The following GXYLT1 variants were observed in gnomAD, a reference collection of about 807,000 sequenced individuals.
GXYLT1 encodes the protein glucoside xylosyltransferase 1.
GXYLT1 carries 29 observed loss-of-function variants against 54.0 expected under a neutral mutation model. That is an observed-to-expected ratio of 0.54 (90% CI 0.40 to 0.73). The LOEUF is 0.73. Among genes scored for constraint, GXYLT1 ranks in the 30% least tolerant of loss-of-function variants. The pLI is 0.00. For missense variants in GXYLT1, 490 were observed against 553.4 expected (o/e 0.89, Z 1.15); for synonymous variants, 176 against 204.1 (o/e 0.86, Z 1.17).
rs562646211 is a variant in GXYLT1 at position 42,085,687 on chromosome 12, C to G, written c.*2099G>C. The stretch of plus-strand genomic sequence containing the variant: ...TTATATTCTGTTGATTCTAACAAAC[C>G]AACTAGAAGATGATTTTTGAGATAA... On this transcript the variant is annotated 3_prime_UTR_variant, in exon 8 of 8. Transcript: ENST00000398675. The G allele has an allele frequency of 1.3e-5, 2 of 152,362 alleles. No homozygotes were observed. Among genetic ancestry groups the G allele is most frequent in the African/African-American group, 4.8e-5 (2 of 41,592 alleles). 9.4% of individuals were successfully genotyped at this position (152,362 alleles called of 1,614,324 possible).
At position 42,115,077 on chromosome 12, in the gene GXYLT1, A is replaced by G. The variant is rs1182126708; in HGVS notation, c.486+3923T>C. Among the ~76,000 whole-genome samples the G allele has an allele frequency of 3.3e-5, 5 of 152,386 alleles. No individual in the cohort carries two copies. The South Asian group carries it at 8.3e-4, about 25-fold the overall frequency. On this transcript the variant is annotated intron_variant, in intron 3 of 7. Coordinates refer to ENST00000398675, the MANE Select transcript of GXYLT1 (RefSeq NM_173601.2). ...CAGAAAAGGCTTTTGACAAAATTCA[A>G]CAACGCTTCATGCTAAAAACTCTCA...
In GXYLT1 at chr12:42,144,789, T is replaced by G; in HGVS notation, c.-143A>C. The stretch of plus-strand genomic sequence containing the variant: ...CGCCGCCTTGCGCCCGCTCCCTTCC[T>G]TCCCTCCCCGCCCACCACCTAGGCG... On this transcript the variant is annotated 5_prime_UTR_variant, in exon 1 of 8. Coordinates refer to ENST00000398675, the MANE Select transcript of GXYLT1 (RefSeq NM_173601.2). The G allele has an allele frequency of 4.1e-5, 20 of 486,332 alleles. No individual in the cohort carries two copies. The highest frequency in any genetic ancestry group is 4.8e-5 in the South Asian group (1 of 20,760). The allele number at this position is 486,332 out of a possible 1,614,324, so 30.1% of individuals were successfully genotyped here. A position where few individuals can be genotyped will look rare whatever the true frequency, so the allele number is the denominator to read the frequency against.
At chr12:42,110,334 AT>A (rs1315686163) in intron 3 of GXYLT1, among the ~76,000 whole-genome samples, 2 of 152,210 alleles carry the variant, frequency 1.3e-5, no homozygotes, top group Non-Finnish European at 2.9e-5. Flanking sequence ...TCTCATTCTT[AT>A]TTCAACAGAA....
At chr12:42,092,114 T>C (rs2065332324) in intron 7 of GXYLT1, among the ~76,000 whole-genome samples, 2 of 152,338 alleles carry the variant, frequency 1.3e-5, no homozygotes, top group Middle Eastern at 3.4e-3. Context: ...GAACAATCTC[T>C]GTCACCATGG....
At chr12:42,097,216 C>A (rs2136879387) in intron 7 of GXYLT1, among the ~76,000 whole-genome samples, 1 of 151,198 alleles carries the variant, frequency 6.6e-6, no homozygotes, top group South Asian at 2.1e-4. Flanking sequence ...TTAATGTATG[C>A]AACTTACAAT....
intron 3 of GXYLT1, among the ~76,000 whole-genome samples, chr12:42,110,270 C>A (rs377142082): frequency 1.9e-4 from 29 of 152,178 alleles, no homozygotes; most frequent in East Asian, 1.2e-3. Context: ...ACACTTAGTA[C>A]CCTAAATGCA....
At chr12:42,114,326 T>G (rs900204170) in intron 3 of GXYLT1, among the ~76,000 whole-genome samples, 2 of 152,046 alleles carry the variant, frequency 1.3e-5, no homozygotes, top group Non-Finnish European at 2.9e-5. Flanking sequence ...CGTCAAAAGA[T>G]TAATGAATCC....
chr12:42,097,848 CT>C, intron 6 of GXYLT1, 61 bp downstream of exon 6: 1 of 1,289,862 alleles, frequency 7.8e-7, no homozygotes, highest in Non-Finnish European at 1.1e-6. Context: ...GCATGTTTTC[CT>C]TTTTCACTAA....
At chr12:42,122,479 A>C (rs1239901640) in intron 2 of GXYLT1, among the ~76,000 whole-genome samples, 1 of 152,206 alleles carries the variant, frequency 6.6e-6, no homozygotes, top group Admixed American at 6.5e-5. Context: ...AGTCCCAGCT[A>C]TTCGAGAGGC....
In GXYLT1 at chr12:42,113,306, TA is replaced by T. The variant is rs759228688; in HGVS notation, c.487-3616del. Among the ~76,000 whole-genome samples, 36 of 151,290 alleles carry T rather than the reference TA, an allele frequency of 2.4e-4. 1 individual carries two copies. Among genetic ancestry groups the T allele is most frequent in the Admixed American group, 5.9e-4 (9 of 15,254 alleles). ...ATATTAACCTTAAATGTAAATGGGC[TA>T]AATGCTCCAATTAAAAGACACAGAC... On this transcript the variant is annotated intron_variant, in intron 3 of 7. Transcript: ENST00000398675.
intron 1 of GXYLT1, among the ~76,000 whole-genome samples, chr12:42,138,532 T>G (rs985467817): frequency 2.8e-5 from 2 of 70,998 alleles, no homozygotes; most frequent in Admixed American, 1.3e-4. Flanking sequence ...GATTTAAATC[T>G]AAAAAAGGGA....
At chr12:42,100,552 A>G (rs960993752) in intron 5 of GXYLT1, among the ~76,000 whole-genome samples, 5 of 151,558 alleles carry the variant, frequency 3.3e-5, no homozygotes, top group Admixed American at 1.3e-4. Context: ...GCCAGAATTC[A>G]TGAAAAAAAA....
rs181584320 is a variant in GXYLT1 at position 42,087,599 on chromosome 12, T to C, written c.*187A>G. On this transcript the variant is annotated 3_prime_UTR_variant, in exon 8 of 8. Transcript: ENST00000398675. ...AACATCAGAGATAAAAAATGTTCAA[T>C]GTTGAGGCCCAAGATTTTAACTTAT... The C allele has an allele frequency of 9.7e-6, 5 of 515,500 alleles. No individual in the cohort carries two copies. In the Admixed American group the frequency reaches 1.6e-4, roughly 16 times the overall value. 31.9% of individuals were successfully genotyped at this position (515,500 alleles called of 1,614,324 possible).
intron 1 of GXYLT1, among the ~76,000 whole-genome samples, chr12:42,143,970 G>C (rs983939902): frequency 7.2e-5 from 11 of 152,016 alleles, no homozygotes; most frequent in African/African-American, 2.7e-4. Flanking sequence ...AGGAAAATCA[G>C]CATGAGGGAC....
intron 3 of GXYLT1, among the ~76,000 whole-genome samples, chr12:42,113,006 C>T (rs1476424012): frequency 6.6e-6 from 1 of 151,108 alleles, no homozygotes; most frequent in East Asian, 1.9e-4. Flanking sequence ...TATTTTCAAC[C>T]CGGAATTTCA....
intron 1 of GXYLT1, among the ~76,000 whole-genome samples, chr12:42,137,969 C>T (rs888851927): frequency 4.6e-5 from 7 of 151,990 alleles, no homozygotes; most frequent in African/African-American, 1.7e-4. Flanking sequence ...ATTTAATTTT[C>T]AACTAAATTG....
rs938115072 is a variant in GXYLT1, at chr12:42,144,657, G to C, written c.-11C>G. ...CAGGTAGCGCCGCATCGCCCCGGCC[G>C]CGCTCCTCCTTCGCCGCCGCCGCCG... On this transcript the variant is annotated 5_prime_UTR_variant, in exon 1 of 8. Transcript: ENST00000398675. The C allele has an allele frequency of 5.3e-6, 7 of 1,324,274 alleles. No individual in the cohort carries two copies. The highest frequency in any genetic ancestry group is 3.1e-5 in the East Asian group (1 of 32,538). 82.0% of individuals were successfully genotyped at this position (1,324,274 alleles called of 1,614,324 possible).
At chr12:42,121,047 G>T (rs1230160183) in intron 2 of GXYLT1, among the ~76,000 whole-genome samples, 1 of 152,132 alleles carries the variant, frequency 6.6e-6, no homozygotes, top group African/African-American at 2.4e-5. Flanking sequence ...CTCAAAAACA[G>T]TGGAAGCCAC....
intron 2 of GXYLT1, among the ~76,000 whole-genome samples, chr12:42,123,587 ATTTT>A (rs1220466676): frequency 1.3e-5 from 2 of 151,852 alleles, no homozygotes; most frequent in Non-Finnish European, 2.9e-5. Context: ...TTGACTTCTT[ATTTT>A]AAGTAAATTT....
Sources: gnomAD v4.1 joint callset for allele counts (sites outside exome capture counted in the v4.1 genomes callset) on GRCh38, gnomAD v4.1.1 for gene constraint, MANE v1.5 for transcripts, NCBI Gene and HGNC (gene_info 2026-07-23, HGNC 2026-07-21) for gene names.